Variants in NIPSNAP2 observed in about 807,000 individuals in gnomAD.
NIPSNAP2 encodes protein NipSnap homolog 2.
A neutral mutation model predicts 48.4 loss-of-function variants in NIPSNAP2; 42 were observed. The observed-to-expected ratio is 0.87, with a 90% CI of 0.68 to 1.12. The LOEUF (loss-of-function observed/expected upper bound fraction) is 1.12. NIPSNAP2 is among the 50% of genes most tolerant of loss of function. The pLI is 0.00. For missense variants in NIPSNAP2, 314 were observed against 347.3 expected, an observed-to-expected ratio of 0.90 and a Z score of 0.76; for synonymous variants, 158 against 126.6, an observed-to-expected ratio of 1.25 and a Z score of -1.67.
chr7:55,976,768 G>A (rs1787114506), intron 1 of NIPSNAP2, among the ~76,000 whole-genome samples: 1 of 152,000 alleles, frequency 6.6e-6, no homozygotes, highest in Non-Finnish European at 1.5e-5. Context: ...TATGCCTCTA[G>A]TCCCAGCTTC....
chr7:55,964,763 G>C, intron 1 of NIPSNAP2, 62 bp downstream of exon 1: 1 of 878,178 alleles, frequency 1.1e-6, no homozygotes, highest in Non-Finnish European at 1.4e-6. Flanking sequence ...CGGAGGGCGC[G>C]GGTTTCCCGG....
chr7:55,988,829 CA>C (rs1000862356), intron 7 of NIPSNAP2, among the ~76,000 whole-genome samples: 5 of 151,944 alleles, frequency 3.3e-5, no homozygotes, highest in Non-Finnish European at 5.9e-5. Flanking sequence ...CACGCCTCTG[CA>C]CTCCAGCCTG....
chr7:55,970,923 TG>T (rs1787004697), intron 1 of NIPSNAP2, among the ~76,000 whole-genome samples: 1 of 152,112 alleles, frequency 6.6e-6, no homozygotes, highest in Admixed American at 6.6e-5. Context: ...TTGCAGTGTA[TG>T]TCTAAGTTTA....
rs1381993769 is a variant in NIPSNAP2, at chr7:55,983,719, C to T, written c.445-9C>T. On this transcript the variant is annotated splice_polypyrimidine_tract_variant and intron_variant, in intron 5 of 9. Transcript: ENST00000322090. ...GAAGATTTCATGAGCACATTTTTTT[C>T]ACTCAAAGGAATTTTTGGAATTTCG... The T allele has an allele frequency of 2.5e-6, 4 of 1,611,074 alleles. No individual in the cohort carries two copies. The highest frequency in any genetic ancestry group is 3.4e-6 in the Non-Finnish European group (4 of 1,179,140).
Position 55,969,876 on chromosome 7 carries a change from A to G in NIPSNAP2, c.92+5175A>G, listed in dbSNP as rs1033800175. Among the ~76,000 whole-genome samples the G allele has an allele frequency of 3.3e-5, 5 of 151,284 alleles. No individual in the cohort carries two copies. In the East Asian group the frequency reaches 5.9e-4, roughly 18 times the overall value. ...TGGGCGCCTGTAGTCCCAGCTACTC[A>G]GGAGGCTGAGGCAGGAGAATGGCGT... On this transcript the variant is annotated intron_variant, in intron 1 of 9. Coordinates refer to ENST00000322090, the MANE Select transcript of NIPSNAP2 (RefSeq NM_001483.3).
rs1173944979 is a variant in NIPSNAP2 at position 55,964,660 on chromosome 7, C to A, written c.51C>A (p.Leu17=). 1 of 1,111,764 alleles carries A rather than the reference C, an allele frequency of 9.0e-7. No homozygotes were observed. The highest frequency in any genetic ancestry group is 5.0e-5 in the East Asian group (1 of 20,018). 68.9% of individuals were successfully genotyped at this position (1,111,764 alleles called of 1,614,324 possible). ...RARGAAWAGG[L]LQRAAPCSLL... Reference sequence around the variant, plus strand: ...GCGGAGCGGCCTGGGCCGGCGGCCTCCTGCAGCGGGCGGCCCCCTGCAGCC... The same window carrying A: ...GCGGAGCGGCCTGGGCCGGCGGCCTACTGCAGCGGGCGGCCCCCTGCAGCC... Residue 17 remains leucine, a synonymous_variant, in exon 1 of 10, where the codon CTC becomes CTA. Transcript: ENST00000322090.
At chr7:55,998,891 A>G in intron 9 of NIPSNAP2, 117 bp from the exon 10 acceptor site, 2 of 860,050 alleles carry the variant, frequency 2.3e-6, no homozygotes, top group Non-Finnish European at 4.0e-6. Context: ...ATATTATGAT[A>G]TTCTCTTGTT....
At chr7:55,991,243 ATTTCT>A (rs1339622383) in intron 7 of NIPSNAP2, among the ~76,000 whole-genome samples, 1 of 152,176 alleles carries the variant, frequency 6.6e-6, no homozygotes, top group Non-Finnish European at 1.5e-5. Flanking sequence ...GGAAGTTAGA[ATTTCT>A]TTTCATTTGA....
intron 1 of NIPSNAP2, among the ~76,000 whole-genome samples, chr7:55,973,769 G>A (rs1326196593): frequency 1.3e-5 from 2 of 151,954 alleles, no homozygotes; most frequent in East Asian, 1.9e-4. Flanking sequence ...AGAAGCGTGA[G>A]CCACCACTCC....
At chr7:55,975,281 G>A (rs1194049393) in intron 1 of NIPSNAP2, among the ~76,000 whole-genome samples, 2 of 151,678 alleles carry the variant, frequency 1.3e-5, no homozygotes, top group African/African-American at 4.8e-5. Context: ...TGAGCTCTGG[G>A]GGTCAAGGCT....
Position 55,994,649 on chromosome 7 carries a change from G to A in NIPSNAP2, c.618-245G>A, listed in dbSNP as rs138714699. Among the ~76,000 whole-genome samples, 1,194 of 152,280 alleles carry A rather than the reference G, an allele frequency of 7.8e-3. 39 individuals are homozygous for A. Among genetic ancestry groups the A allele is most frequent in the East Asian group, 0.019 (97 of 5,178 alleles). ...GATGGCTCGAACCCAGGAGGTGGAGGTTGCAGTGAGCTGAGATTGTGTCAC... is the reference window on the plus strand; with the variant it reads ...GATGGCTCGAACCCAGGAGGTGGAGATTGCAGTGAGCTGAGATTGTGTCAC... On this transcript the variant is annotated intron_variant, in intron 7 of 9. Transcript: ENST00000322090.
At chr7:55,972,671 C>G (rs895443389) in intron 1 of NIPSNAP2, among the ~76,000 whole-genome samples, 3 of 152,168 alleles carry the variant, frequency 2.0e-5, no homozygotes, top group Admixed American at 6.5e-5. Flanking sequence ...GGTGATCCAC[C>G]CGCCTCCTTG....
chr7:55,964,830 A>AGTGGGGCCGGAGCTGGG (rs1052351663), intron 1 of NIPSNAP2, 129 bp downstream of exon 1: 5 of 298,762 alleles, frequency 1.7e-5, no homozygotes, highest in South Asian at 1.4e-4. Flanking sequence ...GCCTCGGGGC[A>AGTGGGGCCGGAGCTGGG]GTGGGGCCGG....
chr7:55,996,610 T>G (rs1787568385), intron 8 of NIPSNAP2, among the ~76,000 whole-genome samples: 1 of 152,200 alleles, frequency 6.6e-6, no homozygotes, highest in East Asian at 1.9e-4. Flanking sequence ...AAATGTTGAG[T>G]AAAATTGATC....
intron 7 of NIPSNAP2, among the ~76,000 whole-genome samples, chr7:55,992,620 C>T (rs1787476004): frequency 6.6e-6 from 1 of 152,206 alleles, no homozygotes; most frequent in Non-Finnish European, 1.5e-5. Flanking sequence ...CCAACTCAAG[C>T]ATCTTGTGCC....
At chr7:55,992,056 G>A (rs1383179551) in intron 7 of NIPSNAP2, among the ~76,000 whole-genome samples, 1 of 152,012 alleles carries the variant, frequency 6.6e-6, no homozygotes. Flanking sequence ...TATAATTTCT[G>A]TGAAGATATT....
intron 7 of NIPSNAP2, among the ~76,000 whole-genome samples, chr7:55,985,905 G>A (rs34114241): frequency 0.033 from 4,975 of 151,942 alleles, 136 homozygotes; most frequent in South Asian, 0.063. Flanking sequence ...AAGATTAGCC[G>A]AGCGTGGTGG....
intron 1 of NIPSNAP2, among the ~76,000 whole-genome samples, chr7:55,971,200 G>A (rs1787010263): frequency 6.6e-6 from 1 of 152,184 alleles, no homozygotes; most frequent in African/African-American, 2.4e-5. Context: ...CGACTCGAAT[G>A]ACTAGATAGG....
intron 6 of NIPSNAP2, among the ~76,000 whole-genome samples, chr7:55,984,172 G>A (rs1787279716): frequency 6.6e-6 from 1 of 152,154 alleles, no homozygotes; most frequent in South Asian, 2.1e-4. Context: ...GGTTAAAGGA[G>A]AGCAGCTAAT....
Sources: gnomAD v4.1 joint callset for allele counts (sites outside exome capture counted in the v4.1 genomes callset) on GRCh38, gnomAD v4.1.1 for gene constraint, MANE v1.5 for transcripts, NCBI Gene and HGNC (gene_info 2026-07-23, HGNC 2026-07-21) for gene names.